CACNA1C: variants seen among roughly 807,000 people sequenced by gnomAD.
CACNA1C encodes the protein calcium voltage-gated channel subunit alpha1 C.
CACNA1C carries 30 observed loss-of-function variants against 229.0 expected under a neutral mutation model. The ratio of observed to expected loss-of-function variants is 0.13; its 90% CI spans 0.10 to 0.18. The LOEUF (loss-of-function observed/expected upper bound fraction) is 0.18. Among genes scored for constraint, CACNA1C ranks in the 10% least tolerant of loss-of-function variants. The pLI is 1.00. For missense variants in CACNA1C, 1,658 were observed against 2,845.0 expected, an observed-to-expected ratio of 0.58 and a Z score of 9.49; for synonymous variants, 1,114 against 1,132.5, an observed-to-expected ratio of 0.98 and a Z score of 0.33.
At chr12:2,213,895 T>C (rs1192346638) in intron 3 of CACNA1C, among the ~76,000 whole-genome samples, 1 of 152,258 alleles carries the variant, frequency 6.6e-6, no homozygotes, top group African/African-American at 2.4e-5. Context: ...GCCCATTTTC[T>C]CATGTCTAGG....
Position 2,319,844 on chromosome 12 carries a change from G to T in CACNA1C, c.478-129132G>T, listed in dbSNP as rs913103189. The stretch of plus-strand genomic sequence containing the variant: ...CAGGTATCCCCTTCTAGCAGGAGGG[G>T]CCCCCAGACATTTCACTTCATTCCT... On this transcript the variant is annotated intron_variant, in intron 3 of 46. Transcript: ENST00000399655. This position sits in a 1 kb window ranked among gnomAD's most constrained non-coding sequence, Gnocchi z 4.0. Among the ~76,000 whole-genome samples the T allele has an allele frequency of 2.0e-5, 3 of 152,022 alleles. No individual in the cohort carries two copies. The highest frequency in any genetic ancestry group is 7.3e-5 in the African/African-American group (3 of 41,370).
intron 29 of CACNA1C, among the ~76,000 whole-genome samples, chr12:2,627,757 G>A (rs1421973584): frequency 6.6e-6 from 1 of 152,076 alleles, no homozygotes; most frequent in Non-Finnish European, 1.5e-5. Flanking sequence ...GTCTCCAAGG[G>A]CCCTTCAGAG....
chr12:2,374,817 G>A lies in CACNA1C; in HGVS notation c.478-74159G>A, dbSNP rs186082228. On this transcript the variant is annotated intron_variant, in intron 3 of 46. Transcript: ENST00000399655. ...CCTGCTGCATCCAACCAGCACAGCC[G>A]GGAAAGCAAACAATGAGGCAGAAGC... 2.0e-4 allele frequency among the ~76,000 whole-genome samples: 31 copies of A among 152,300 alleles called. No individual in the cohort carries two copies. In the East Asian group the frequency reaches 2.3e-3, roughly 11 times the overall value.
chr12:2,620,679 CAGGT>C (rs1340321821), intron 29 of CACNA1C, among the ~76,000 whole-genome samples: 16 of 152,344 alleles, frequency 1.1e-4, no homozygotes, highest in Admixed American at 9.8e-4. Context: ...AGTCAGCTGA[CAGGT>C]GGGCTCAGGA....
At position 2,141,404 on chromosome 12, in the gene CACNA1C, C is replaced by T. The variant is rs1444107768; in HGVS notation, c.477+20974C>T. Among the ~76,000 whole-genome samples, 7 of 151,326 alleles carry T rather than the reference C, an allele frequency of 4.6e-5. 1 individual carries two copies. Among genetic ancestry groups the T allele is most frequent in the East Asian group, 1.9e-4 (1 of 5,182 alleles). On this transcript the variant is annotated intron_variant, in intron 3 of 46. Transcript: ENST00000399655. ...GCTCACTGGGGAAGAAAGCCCTGGACGGTGCAAGCTGCCATTTCTTGAAGG... is the reference window on the plus strand; with the variant it reads ...GCTCACTGGGGAAGAAAGCCCTGGATGGTGCAAGCTGCCATTTCTTGAAGG...
intron 1 of CACNA1C, among the ~76,000 whole-genome samples, chr12:2,064,526 G>T (rs1177663338): frequency 3.3e-5 from 5 of 152,222 alleles, no homozygotes; most frequent in African/African-American, 4.8e-5. Context: ...CCTGAAAGCT[G>T]CCTTCAGAGG....
chr12:2,224,160 C>T (rs776222125), intron 3 of CACNA1C, among the ~76,000 whole-genome samples: 3 of 152,164 alleles, frequency 2.0e-5, no homozygotes, highest in Non-Finnish European at 2.9e-5. Context: ...CCCTAGGTGC[C>T]CTGGTTTGTT....
chr12:2,436,808 T>C (rs2154559748), intron 3 of CACNA1C, among the ~76,000 whole-genome samples: 1 of 152,334 alleles, frequency 6.6e-6, no homozygotes, highest in East Asian at 1.9e-4. Context: ...GGAAATTTTA[T>C]CTCACATACA....
chr12:2,377,244 T>G (rs1399362967), intron 3 of CACNA1C, among the ~76,000 whole-genome samples: 1 of 152,154 alleles, frequency 6.6e-6, no homozygotes, highest in Non-Finnish European at 1.5e-5. Flanking sequence ...GTGGCCTCAA[T>G]GCCCTCCTCT....
Position 2,135,760 on chromosome 12 carries a change from G to A in CACNA1C, c.477+15330G>A, listed in dbSNP as rs1267535339. Among the ~76,000 whole-genome samples the A allele has an allele frequency of 1.3e-3, 182 of 143,176 alleles. 3 individuals are homozygous for A. The highest frequency in any genetic ancestry group is 7.1e-3 in the East Asian group (34 of 4,818). The allele number at this position is 143,176 out of a possible 152,430, so 93.9% of individuals were successfully genotyped here. On this transcript the variant is annotated intron_variant, in intron 3 of 46. Transcript: ENST00000399655. ...CTGCAGAAGTTACTGCTGTCTTTTT[G>A]TTTGTCTGTGCCCTGCCCCCAGAGG...
intron 1 of CACNA1C, among the ~76,000 whole-genome samples, chr12:2,089,850 T>A (rs1000569714): frequency 6.9e-6 from 1 of 145,066 alleles, no homozygotes; most frequent in Non-Finnish European, 1.5e-5. Flanking sequence ...CTGGCCAACA[T>A]AGTGAAACCC....
chr12:2,680,462 G>C lies in CACNA1C; in HGVS notation c.5444+666G>C, dbSNP rs1320162615. ...TGCATCAGCAGCTCCAGGGTTCCCT[G>C]GCGGGGCTGAGAGAGGACACACCCT... On this transcript the variant is annotated intron_variant, in intron 42 of 46. Transcript: ENST00000399655. The C allele has an allele frequency of 4.5e-6, 7 of 1,563,774 alleles. No homozygotes were observed. The Admixed American group carries it at 1.3e-4, about 30-fold the overall frequency.
At chr12:2,260,360 C>T (rs1318420316) in intron 3 of CACNA1C, among the ~76,000 whole-genome samples, 1 of 150,574 alleles carries the variant, frequency 6.6e-6, no homozygotes. Flanking sequence ...CCTGTAGTCC[C>T]AGCTACCTGG....
intron 1 of CACNA1C, among the ~76,000 whole-genome samples, chr12:2,114,127 G>A (rs1028934231): frequency 6.6e-6 from 1 of 152,248 alleles, no homozygotes; most frequent in Non-Finnish European, 1.5e-5. Flanking sequence ...GGAAGTTCTT[G>A]TGTGGGTCAG....
At position 2,022,084 on chromosome 12, in the gene CACNA1C, A is replaced by G. The variant is rs2046563955; in HGVS notation, c.139+50883A>G. Among the ~76,000 whole-genome samples, 3 of 152,158 alleles carry G rather than the reference A, an allele frequency of 2.0e-5. No individual in the cohort carries two copies. The South Asian group carries it at 6.2e-4, about 32-fold the overall frequency. On this transcript the variant is annotated intron_variant, in intron 1 of 46. Coordinates refer to the CACNA1C transcript ENST00000682462. The stretch of plus-strand genomic sequence containing the variant: ...GTTGGCAAGTTCTCCCCACATCTGT[A>G]TGGGTTTTCTTAGCCTTTCCTGTTT...
intron 3 of CACNA1C, among the ~76,000 whole-genome samples, chr12:2,307,565 G>A (rs953595397): frequency 2.6e-5 from 4 of 152,162 alleles, no homozygotes; most frequent in African/African-American, 4.8e-5. Flanking sequence ...TTACTGTGCC[G>A]CAGACCCACC....
At chr12:2,680,559 G>GC in intron 42 of CACNA1C, 1 of 1,566,524 alleles carries the variant, frequency 6.4e-7, no homozygotes, top group Non-Finnish European at 8.7e-7. Flanking sequence ...AGGCTGCACA[G>GC]CCCCCCAGCA....
At chr12:2,267,982 T>A (rs114669282) in intron 3 of CACNA1C, among the ~76,000 whole-genome samples, 1,569 of 152,248 alleles carry the variant, frequency 0.01, 18 homozygotes, top group African/African-American at 0.036. Flanking sequence ...AAAAACAGGT[T>A]TTTTTGTGTG....
At position 2,633,768 on chromosome 12, in the gene CACNA1C, G is replaced by A. The variant is rs112302381; in HGVS notation, c.3829-529G>A. The A allele has an allele frequency of 1.4e-4, 128 of 932,148 alleles. No homozygotes were observed. The highest frequency in any genetic ancestry group is 1.2e-3 in the East Asian group (48 of 40,464). 57.7% of individuals were successfully genotyped at this position (932,148 alleles called of 1,614,324 possible). On this transcript the variant is annotated intron_variant, in intron 29 of 46. Coordinates refer to ENST00000399655, the MANE Select transcript of CACNA1C (RefSeq NM_000719.7). This position sits in a 1 kb window ranked among gnomAD's most constrained non-coding sequence, Gnocchi z 5.8. Reference sequence around the variant, plus strand: ...CTCCTCATTCCTCCTCCTCTGCCTCGTCTATTTCTCTCTCTCTCACTCTCT... The same window carrying A: ...CTCCTCATTCCTCCTCCTCTGCCTCATCTATTTCTCTCTCTCTCACTCTCT...
Sources: allele counts gnomAD v4.1 joint callset (sites outside exome capture counted in the v4.1 genomes callset), GRCh38; gene constraint gnomAD v4.1.1; non-coding constraint Gnocchi (gnomAD v3.1); transcripts MANE v1.5; gene names NCBI Gene and HGNC (gene_info 2026-07-23, HGNC 2026-07-21).